The following MAML3 variants were observed in gnomAD, a reference collection of about 807,000 sequenced individuals.
The protein encoded by MAML3 is mastermind-like protein 3.
A neutral mutation model predicts 101.9 loss-of-function variants in MAML3; 27 were observed. The observed-to-expected ratio is 0.27, with a 90% CI of 0.20 to 0.37. The LOEUF (loss-of-function observed/expected upper bound fraction) is 0.37. MAML3 is among the 10% of genes least tolerant of loss of function. The probability of loss-of-function intolerance (pLI) is 1.00; values close to 1 mark genes in which losing one functional copy is unlikely to be tolerated. For missense variants in MAML3, 1,316 were observed against 1,444.9 expected (o/e 0.91, Z 1.45); for synonymous variants, 501 against 555.9 (o/e 0.90, Z 1.39).
chr4:139,898,650 TTAGAGG>T (rs1732659213), intron 1 of MAML3, among the ~76,000 whole-genome samples: 1 of 152,296 alleles, frequency 6.6e-6, no homozygotes, highest in Non-Finnish European at 1.5e-5. Flanking sequence ...TATAACTAGT[TTAGAGG>T]CTCAAAGAGA....
rs1380134159 is a variant in MAML3, at chr4:139,785,562, C to A, written c.2080-54895G>T. Among the ~76,000 whole-genome samples, 2 of 152,172 alleles carry A rather than the reference C, an allele frequency of 1.3e-5. No individual in the cohort carries two copies. The highest frequency in any genetic ancestry group is 2.4e-5 in the African/African-American group (1 of 41,446). On this transcript the variant is annotated intron_variant, in intron 2 of 4. Transcript: ENST00000509479. This position sits in a 1 kb window ranked among gnomAD's most constrained non-coding sequence, Gnocchi z 4.3. ...GGGCTGTTGCTTGGCTGGTGCTGCA[C>A]TGCGGAGTATTGTTTGGAAAAATAT...
At chr4:139,850,108 CT>C (rs1477938200) in intron 2 of MAML3, among the ~76,000 whole-genome samples, 5 of 152,090 alleles carry the variant, frequency 3.3e-5, no homozygotes, top group East Asian at 1.9e-4. Flanking sequence ...ATTTCCCCCC[CT>C]ACACCCTATG....
In MAML3 at chr4:139,854,416, A is replaced by G. The variant is rs1260063190; in HGVS notation, c.2079+34941T>C. The stretch of plus-strand genomic sequence containing the variant: ...AATCTTGTGGCCACTATTACAGTCA[A>G]TTTCCCCCCACATTCTATGCTAATT... On this transcript the variant is annotated intron_variant, in intron 2 of 4. Coordinates refer to ENST00000509479, the MANE Select transcript of MAML3 (RefSeq NM_018717.5). Among the ~76,000 whole-genome samples the G allele has an allele frequency of 8.7e-5, 13 of 148,890 alleles. No homozygotes were observed. In the East Asian group the frequency reaches 2.6e-3, roughly 29 times the overall value.
chr4:140,094,996 A>T (rs1728132368), intron 1 of MAML3, among the ~76,000 whole-genome samples: 1 of 152,174 alleles, frequency 6.6e-6, no homozygotes, highest in African/African-American at 2.4e-5. Flanking sequence ...AACCCAGGCC[A>T]ATCAGCAGGA....
chr4:139,820,140 G>A (rs541309474), intron 2 of MAML3, among the ~76,000 whole-genome samples: 1 of 152,320 alleles, frequency 6.6e-6, no homozygotes, highest in Non-Finnish European at 1.5e-5. Context: ...TCTCTGATCA[G>A]ATAAAGGTTT....
At position 140,027,679 on chromosome 4, in the gene MAML3, G is replaced by A. The variant is rs556288058; in HGVS notation, c.468+125181C>T. On this transcript the variant is annotated intron_variant, in intron 1 of 4. Coordinates refer to ENST00000509479, the MANE Select transcript of MAML3 (RefSeq NM_018717.5). ...TTAAATAAGACCATGCTGAACACTCGTCCAGATTCAATACATTGCCATTTA... is the reference window on the plus strand; with the variant it reads ...TTAAATAAGACCATGCTGAACACTCATCCAGATTCAATACATTGCCATTTA... 3.3e-5 allele frequency among the ~76,000 whole-genome samples: 5 copies of A among 152,214 alleles called. No individual in the cohort carries two copies. In the South Asian group the frequency reaches 1.0e-3, roughly 32 times the overall value.
intron 1 of MAML3, among the ~76,000 whole-genome samples, chr4:139,983,433 G>A (rs777185755): frequency 6.6e-6 from 1 of 152,184 alleles, no homozygotes; most frequent in African/African-American, 2.4e-5. Flanking sequence ...ATGTTGCTGA[G>A]GGGTAAATAA....
chr4:139,762,981 C>T (rs543792301), intron 2 of MAML3, among the ~76,000 whole-genome samples: 1 of 152,282 alleles, frequency 6.6e-6, no homozygotes, highest in African/African-American at 2.4e-5. Context: ...TCTCTTGGCA[C>T]AGTGTCTTCC....
chr4:140,049,622 A>G (rs1200300017), intron 1 of MAML3, among the ~76,000 whole-genome samples: 2 of 151,960 alleles, frequency 1.3e-5, no homozygotes, highest in Admixed American at 1.3e-4. Flanking sequence ...AAGACTGGAC[A>G]GGAGTTATTT....
intron 2 of MAML3, among the ~76,000 whole-genome samples, chr4:139,805,132 C>T (rs1436216722): frequency 6.6e-6 from 1 of 152,012 alleles, no homozygotes; most frequent in Non-Finnish European, 1.5e-5. Flanking sequence ...TGCGGTGAGC[C>T]GAGATGTAGT....
chr4:139,920,087 T>G (rs984575581), intron 1 of MAML3, among the ~76,000 whole-genome samples: 1 of 152,240 alleles, frequency 6.6e-6, no homozygotes. Context: ...ATTTTATTTT[T>G]AAATGTTCAT....
At chr4:139,878,192 C>T (rs1283329352) in intron 2 of MAML3, among the ~76,000 whole-genome samples, 7 of 152,168 alleles carry the variant, frequency 4.6e-5, no homozygotes, top group African/African-American at 1.4e-4. Flanking sequence ...CAGCAGGATG[C>T]CTTTCTACCC....
At chr4:140,061,540 G>A (rs116429455) in intron 1 of MAML3, among the ~76,000 whole-genome samples, 2 of 152,168 alleles carry the variant, frequency 1.3e-5, no homozygotes, top group East Asian at 1.9e-4. Flanking sequence ...ATTCCAGTAC[G>A]TCAACTCAAG....
intron 1 of MAML3, among the ~76,000 whole-genome samples, chr4:140,066,634 A>T (rs980644133): frequency 6.6e-5 from 10 of 152,064 alleles, no homozygotes; most frequent in African/African-American, 1.9e-4. Context: ...CAGGAGCAGG[A>T]AAAAAAATCG....
intron 2 of MAML3, among the ~76,000 whole-genome samples, chr4:139,732,483 A>C (rs1326667079): frequency 6.6e-6 from 1 of 152,240 alleles, no homozygotes; most frequent in Non-Finnish European, 1.5e-5. Context: ...TACCCTAGAA[A>C]CAATCACCCA....
chr4:139,936,953 G>A (rs936791657), intron 1 of MAML3, among the ~76,000 whole-genome samples: 1 of 152,160 alleles, frequency 6.6e-6, no homozygotes, highest in African/African-American at 2.4e-5. Flanking sequence ...AGTTTATTTT[G>A]CTATATAATG....
chr4:139,800,924 C>G (rs1161477648), intron 2 of MAML3, among the ~76,000 whole-genome samples: 1 of 152,180 alleles, frequency 6.6e-6, no homozygotes, highest in Non-Finnish European at 1.5e-5. Flanking sequence ...GGAGGAAATC[C>G]TGGCAGAGAG....
At chr4:139,837,052 G>A (rs1214525084) in intron 2 of MAML3, among the ~76,000 whole-genome samples, 4 of 150,748 alleles carry the variant, frequency 2.7e-5, no homozygotes, top group Admixed American at 2.6e-4. Flanking sequence ...AACCTGGGAG[G>A]TGGATGTTGC....
intron 1 of MAML3, among the ~76,000 whole-genome samples, chr4:140,137,015 G>C (rs1401359974): frequency 6.6e-6 from 1 of 152,220 alleles, no homozygotes; most frequent in African/African-American, 2.4e-5. Flanking sequence ...TTGAGACGGA[G>C]TCTCGTTCTT....
Sources: gnomAD v4.1 joint callset for allele counts (sites outside exome capture counted in the v4.1 genomes callset) on GRCh38, gnomAD v4.1.1 for gene constraint, Gnocchi (gnomAD v3.1) non-coding constraint, MANE v1.5 for transcripts, NCBI Gene and HGNC (gene_info 2026-07-23, HGNC 2026-07-21) for gene names.